ME2: variants seen among roughly 807,000 people sequenced by gnomAD.
ME2 encodes the protein NAD-dependent malic enzyme, mitochondrial.
In ME2, 60 loss-of-function variants were observed where a neutral mutation model predicts 73.7. That is an observed-to-expected ratio of 0.81 (90% confidence interval 0.66 to 1.01). The LOEUF is 1.01. Ranked by LOEUF, ME2 falls within the 50% of genes least tolerant of loss-of-function variation. The pLI, the probability that ME2 is intolerant of heterozygous loss-of-function variation, is 0.00. For missense variants in ME2, 594 were observed against 705.5 expected (o/e 0.84, Z 1.79); for synonymous variants, 199 against 236.9 (o/e 0.84, Z 1.47).
At chr18:50,904,917 TTCTC>T (rs1436472921) in intron 2 of ME2, among the ~76,000 whole-genome samples, 5 of 152,016 alleles carry the variant, frequency 3.3e-5, no homozygotes, top group Non-Finnish European at 7.4e-5. Context: ...TTCTGCTTCT[TTCTC>T]TCCTCTCCTC....
chr18:50,939,797 A>G (rs1917904655), intron 14 of ME2, 157 bp downstream of exon 14: 1 of 571,968 alleles, frequency 1.7e-6, no homozygotes, highest in Admixed American at 3.2e-5. Context: ...TATGCATAAA[A>G]TTAATTTTTT....
At chr18:50,930,579 G>A (rs1233968484) in intron 12 of ME2, among the ~76,000 whole-genome samples, 1 of 152,172 alleles carries the variant, frequency 6.6e-6, no homozygotes, top group Non-Finnish European at 1.5e-5. Flanking sequence ...TAAATGGGCA[G>A]GGAGGCAGGG....
chr18:50,926,991 T>C (rs977565001), intron 12 of ME2, among the ~76,000 whole-genome samples: 1 of 152,248 alleles, frequency 6.6e-6, no homozygotes, highest in African/African-American at 2.4e-5. Flanking sequence ...TTTCTAAGGC[T>C]GTTTTTTTTG....
intron 4 of ME2, among the ~76,000 whole-genome samples, chr18:50,913,482 C>T (rs1284498058): frequency 6.6e-6 from 1 of 151,904 alleles, no homozygotes; most frequent in African/African-American, 2.4e-5. Context: ...TACAGGTGCA[C>T]GCCACCATGC....
At position 50,953,137 on chromosome 18, in the gene ME2, T is replaced by C. The variant is rs1234354138; in HGVS notation, c.*5953T>C. On this transcript the variant is annotated 3_prime_UTR_variant, in exon 16 of 16. Coordinates refer to ENST00000321341, the MANE Select transcript of ME2 (RefSeq NM_002396.5). ...TTTTCTTTGAGACAGCCTTGCTCTG[T>C]CTCCCAGGCTGGAGTGCAGTGGCGC... The C allele has an allele frequency of 6.6e-6, 1 of 151,364 alleles. No homozygotes were observed. The highest frequency in any genetic ancestry group is 1.5e-5 in the Non-Finnish European group (1 of 67,928). 9.4% of individuals were successfully genotyped at this position (151,364 alleles called of 1,614,324 possible). A position where few individuals can be genotyped will look rare whatever the true frequency, so the allele number is the denominator to read the frequency against.
rs1224711724 is a variant in ME2, at chr18:50,953,863, T to C, written c.*6679T>C. On this transcript the variant is annotated 3_prime_UTR_variant, in exon 16 of 16. Transcript: ENST00000321341. ...ATGACAATATAAAATGTCTGCCCAA[T>C]GTTTTATTATACTTTGTCTAATGAC... is the stretch of plus-strand genomic sequence containing the variant. 2 of 152,232 alleles carry C rather than the reference T, an allele frequency of 1.3e-5. No individual in the cohort carries two copies. The highest frequency in any genetic ancestry group is 2.9e-5 in the Non-Finnish European group (2 of 68,038). 9.4% of individuals were successfully genotyped at this position (152,232 alleles called of 1,614,324 possible). A position where few individuals can be genotyped will look rare whatever the true frequency, so the allele number is the denominator to read the frequency against.
rs1265301529 is a variant in ME2 at position 50,947,059 on chromosome 18, C to T, written c.1630C>T (p.Pro544Ser). 2.5e-6 allele frequency: 4 copies of T among 1,613,572 alleles called. No homozygotes were observed. The highest frequency in any genetic ancestry group is 3.4e-6 in the Non-Finnish European group (4 of 1,179,758). Reference sequence around the variant, plus strand: ...TGCTAATAAAATGGCTTTCCGATACCCAGAACCTGAAGACAAGGCCAAATA... The same window carrying T: ...TGCTAATAAAATGGCTTTCCGATACTCAGAACCTGAAGACAAGGCCAAATA... ...LYANKMAFRY[P>S]EPEDKAKYVK... The change falls in exon 16 of 16, where the codon CCA becomes TCA. Residue 544 changes from proline (P) to serine (S), a missense_variant. Physicochemically the swap from Pro to Ser is moderately conservative, Grantham distance 74 (BLOSUM62 -1). Transcript: ENST00000321341.
Position 50,921,384 on chromosome 18 carries a change from A to G in ME2, c.1056+197A>G, listed in dbSNP as rs147079354. Among the ~76,000 whole-genome samples, 108 of 152,090 alleles carry G rather than the reference A, an allele frequency of 7.1e-4. 2 individuals are homozygous for G. In the East Asian group the frequency reaches 0.02, roughly 28 times the overall value. ...ACTTCTGCTTCATATTGAATTAATA[A>G]TCTCTATGTTGGCATCAGACTTACT... On this transcript the variant is annotated intron_variant, in intron 10 of 15. Transcript: ENST00000321341.
At chr18:50,890,315 T>C (rs886690735) in intron 1 of ME2, among the ~76,000 whole-genome samples, 2 of 152,200 alleles carry the variant, frequency 1.3e-5, no homozygotes, top group Non-Finnish European at 1.5e-5. Context: ...GGTCTTACTA[T>C]GTTGCCCAGG....
At chr18:50,935,074 T>G (rs1333026797) in intron 13 of ME2, 1 of 152,078 alleles carries the variant, frequency 6.6e-6, no homozygotes, top group East Asian at 1.9e-4. Flanking sequence ...GGGGTATAGT[T>G]TGCAGCAGCA....
chr18:50,895,890 A>G lies in ME2; in HGVS notation c.70A>G (p.Lys24Glu). 1 of 1,613,938 alleles carries G rather than the reference A, an allele frequency of 6.2e-7. No homozygotes were observed. The highest frequency in any genetic ancestry group is 8.5e-7 in the Non-Finnish European group (1 of 1,179,930). Residue 24 changes from lysine to glutamate, a missense_variant, in exon 2 of 16, where the codon AAA (lysine) becomes GAA (glutamate). Physicochemically the swap from Lys to Glu is moderately conservative, Grantham distance 56. Coordinates refer to ENST00000321341, the MANE Select transcript of ME2 (RefSeq NM_002396.5). ...ATGTCGACATTTGCACATAAAAGAA[A>G]AAGGCAAGCCACTTATGCTGAACCC... ...LACRHLHIKEKGKPLMLNPRT... is the reference protein window; with the variant it reads ...LACRHLHIKEEGKPLMLNPRT...
At chr18:50,925,295 A>G (rs905479212) in intron 11 of ME2, among the ~76,000 whole-genome samples, 2 of 152,086 alleles carry the variant, frequency 1.3e-5, no homozygotes, top group Non-Finnish European at 2.9e-5. Context: ...CCTGGCCAAC[A>G]TGGCAAAACC....
At chr18:50,946,885 C>T (rs1457974312) in intron 15 of ME2, 132 bp from the exon 16 acceptor site, 2 of 705,266 alleles carry the variant, frequency 2.8e-6, no homozygotes, top group African/African-American at 3.6e-5. Flanking sequence ...GGAGTCAAAG[C>T]AATGTTATTT....
chr18:50,929,484 T>G (rs971182797), intron 12 of ME2, among the ~76,000 whole-genome samples: 1 of 80,186 alleles, frequency 1.2e-5, no homozygotes, highest in Non-Finnish European at 2.6e-5. Context: ...CAAGACTGTC[T>G]CAAAAAAAAA....
In ME2 at chr18:50,916,259, C is replaced by T; in HGVS notation, c.468+16C>T. On this transcript the variant is annotated intron_variant, in intron 5 of 15. Coordinates refer to ENST00000321341, the MANE Select transcript of ME2 (RefSeq NM_002396.5). ...TCATGTTAAGGTACTAATAGCACAA[C>T]CCTCCTTTTCACAATGTTTTCTCTT... is the stretch of plus-strand genomic sequence containing the variant. The T allele has an allele frequency of 6.4e-7, 1 of 1,572,422 alleles. No homozygotes were observed. The highest frequency in any genetic ancestry group is 8.7e-7 in the Non-Finnish European group (1 of 1,146,746).
At position 50,932,315 on chromosome 18, in the gene ME2, C is replaced by T. The variant is rs372255716; in HGVS notation, c.1372C>T (p.Arg458Ter). 6.2e-6 allele frequency: 10 copies of T among 1,612,738 alleles called. No individual in the cohort carries two copies. Among genetic ancestry groups the T allele is most frequent in the Admixed American group, 3.3e-5 (2 of 59,908 alleles). The change falls in exon 13 of 16, where the codon CGA becomes TGA. Residue 458 changes from arginine to a stop codon, truncating the protein, a stop_gained. Transcript: ENST00000321341. LOFTEE classifies it high-confidence loss of function. ...PFGPVKLTDG[R>*]VFTPGQGNNV... ...TGGGCCAGTGAAACTTACAGATGGG[C>T]GAGTCTTTACACCAGGTCAAGGAAA... is the stretch of plus-strand genomic sequence containing the variant.
At chr18:50,905,591 A>T (rs1048093407) in intron 2 of ME2, among the ~76,000 whole-genome samples, 8 of 152,204 alleles carry the variant, frequency 5.3e-5, no homozygotes, top group African/African-American at 1.9e-4. Flanking sequence ...GACACATGAG[A>T]CATCAAATAC....
At chr18:50,890,281 T>C (rs998855277) in intron 1 of ME2, among the ~76,000 whole-genome samples, 1 of 152,150 alleles carries the variant, frequency 6.6e-6, no homozygotes, top group Non-Finnish European at 1.5e-5. Flanking sequence ...TTATTTTCTT[T>C]TTTTGTACTT....
intron 2 of ME2, among the ~76,000 whole-genome samples, chr18:50,905,523 A>G (rs1243954725): frequency 6.6e-6 from 1 of 152,202 alleles, no homozygotes; most frequent in Non-Finnish European, 1.5e-5. Context: ...ACCCCAGGAG[A>G]TCCTGAAAAT....
Sources: allele counts gnomAD v4.1 joint callset (sites outside exome capture counted in the v4.1 genomes callset), GRCh38; gene constraint gnomAD v4.1.1; transcripts MANE v1.5; gene names NCBI Gene and HGNC (gene_info 2026-07-23, HGNC 2026-07-21).